ZNF438: variants seen among roughly 807,000 people sequenced by gnomAD.
The protein encoded by ZNF438 is zinc finger protein 438.
In ZNF438, 25 loss-of-function variants were observed where a neutral mutation model predicts 38.0. The observed-to-expected ratio is 0.66, with a 90% CI of 0.48 to 0.92. ZNF438 has a LOEUF of 0.92. Ranked by LOEUF, ZNF438 falls within the 40% of genes least tolerant of loss-of-function variation. The probability of loss-of-function intolerance (pLI) is 0.00; values close to 1 mark genes in which losing one functional copy is unlikely to be tolerated. For missense variants in ZNF438, 1,007 were observed against 999.6 expected (o/e 1.01, Z -0.10); for synonymous variants, 372 against 364.1 (o/e 1.02, Z -0.25).
At position 31,030,575 on chromosome 10, in the gene ZNF438, C is replaced by A. The variant is rs142044541; in HGVS notation, c.-192+1258G>T. ...TAAGAAAAACAAAGTTCCAAGTTTG[C>A]GTGACTTGTCCTTGGACACGAAGCT... is the stretch of plus-strand genomic sequence containing the variant. On this transcript the variant is annotated intron_variant, in intron 1 of 5. Transcript: ENST00000413025. Among the ~76,000 whole-genome samples, 16 of 152,302 alleles carry A rather than the reference C, an allele frequency of 1.1e-4. No individual in the cohort carries two copies. The East Asian group carries it at 3.1e-3, about 29-fold the overall frequency.
At chr10:30,944,849 A>G (rs1372811383) in intron 1 of ZNF438, among the ~76,000 whole-genome samples, 2 of 152,192 alleles carry the variant, frequency 1.3e-5, no homozygotes, top group Non-Finnish European at 2.9e-5. Context: ...TTGACACAAA[A>G]TTGTTCATCA....
chr10:30,977,999 T>C (rs951643568), intron 1 of ZNF438, among the ~76,000 whole-genome samples: 1 of 148,990 alleles, frequency 6.7e-6, no homozygotes, highest in Non-Finnish European at 1.5e-5. Flanking sequence ...AAAAAAAAGA[T>C]TCTAAGGGAC....
Position 30,946,250 on chromosome 10 carries a change from A to G in ZNF438, c.-191-4599T>C, listed in dbSNP as rs2047395579. On this transcript the variant is annotated intron_variant, in intron 1 of 5. Transcript: ENST00000413025. ...TAAAACCATAAAAACCCTAGAAGAA[A>G]ACCTAGGCATTACCATTCAGGACAT... Among the ~76,000 whole-genome samples, 4 of 152,136 alleles carry G rather than the reference A, an allele frequency of 2.6e-5. No individual in the cohort carries two copies. The South Asian group carries it at 8.3e-4, about 31-fold the overall frequency.
intron 1 of ZNF438, among the ~76,000 whole-genome samples, chr10:30,942,753 T>G (rs2046952109): frequency 6.6e-6 from 1 of 152,230 alleles, no homozygotes; most frequent in African/African-American, 2.4e-5. Flanking sequence ...ACAAATTTTC[T>G]CTAAGGAGGC....
chr10:30,929,898 C>T (rs2045433491), intron 2 of ZNF438, among the ~76,000 whole-genome samples: 1 of 152,200 alleles, frequency 6.6e-6, no homozygotes, highest in Non-Finnish European at 1.5e-5. Flanking sequence ...CATTTACAAA[C>T]CCCAAGCTAG....
intron 1 of ZNF438, among the ~76,000 whole-genome samples, chr10:30,993,751 G>A (rs550858423): frequency 2.0e-5 from 3 of 152,340 alleles, no homozygotes; most frequent in South Asian, 2.1e-4. Flanking sequence ...CCAGCATGCA[G>A]GTCCAACCTG....
chr10:31,006,138 A>G (rs1201176132), intron 1 of ZNF438, among the ~76,000 whole-genome samples: 1 of 152,174 alleles, frequency 6.6e-6, no homozygotes, highest in Non-Finnish European at 1.5e-5. Flanking sequence ...AAATCCTTAG[A>G]ATCTCCAAAG....
Position 30,860,698 on chromosome 10 carries a change from G to A in ZNF438, c.38-10331C>T, listed in dbSNP as rs866488115. Reference sequence around the variant, plus strand: ...AAATTTTTGTATCCCAGTTGATAAAGTGCTAATTGGATTAACAATTCAATG... The same window carrying A: ...AAATTTTTGTATCCCAGTTGATAAAATGCTAATTGGATTAACAATTCAATG... On this transcript the variant is annotated intron_variant, in intron 4 of 5. Transcript: ENST00000413025. 3.3e-5 allele frequency among the ~76,000 whole-genome samples: 5 copies of A among 152,170 alleles called. No individual in the cohort carries two copies. In the South Asian group the frequency reaches 6.2e-4, roughly 19 times the overall value.
intron 2 of ZNF438, among the ~76,000 whole-genome samples, chr10:30,938,751 T>C (rs2046514943): frequency 6.6e-6 from 1 of 152,008 alleles, no homozygotes; most frequent in African/African-American, 2.4e-5. Context: ...TTGCTCCCTA[T>C]ATTTCAGACT....
At chr10:30,957,141 GTGA>G (rs1426674404) in intron 1 of ZNF438, among the ~76,000 whole-genome samples, 1 of 152,190 alleles carries the variant, frequency 6.6e-6, no homozygotes, top group Non-Finnish European at 1.5e-5. Flanking sequence ...CCCTGATGTA[GTGA>G]TGTTGAACAT....
At chr10:30,994,759 G>C (rs1006400620) in intron 1 of ZNF438, among the ~76,000 whole-genome samples, 1 of 152,204 alleles carries the variant, frequency 6.6e-6, no homozygotes, top group African/African-American at 2.4e-5. Flanking sequence ...GGCTAGGCAT[G>C]GCGGCTCACA....
intron 4 of ZNF438, among the ~76,000 whole-genome samples, chr10:30,859,789 C>T (rs1333912113): frequency 2.6e-5 from 4 of 152,022 alleles, no homozygotes; most frequent in African/African-American, 7.2e-5. Context: ...AGGTTGTTGA[C>T]ATTTATTTTT....
In ZNF438 at chr10:30,976,672, A is replaced by G. The variant is rs76423780; in HGVS notation, c.-191-35021T>C. Among the ~76,000 whole-genome samples, 363 of 152,246 alleles carry G rather than the reference A, an allele frequency of 2.4e-3. 2 individuals carry two copies. Among genetic ancestry groups the G allele is most frequent in the African/African-American group, 8.4e-3 (351 of 41,548 alleles). ...GCCCACTTGAGCCCTAGAGATTGGA[A>G]GGTGCAATGAGCTATGATCGTGCCT... On this transcript the variant is annotated intron_variant, in intron 1 of 5. Coordinates refer to ENST00000413025, the Ensembl canonical transcript of ZNF438.
At chr10:31,015,882 C>T (rs1239634019) in intron 1 of ZNF438, among the ~76,000 whole-genome samples, 1 of 152,140 alleles carries the variant, frequency 6.6e-6, no homozygotes, top group Admixed American at 6.5e-5. Flanking sequence ...GAAAAGAGAG[C>T]TCTGGTATCT....
chr10:30,975,607 G>A (rs993164216), intron 1 of ZNF438, among the ~76,000 whole-genome samples: 3 of 152,100 alleles, frequency 2.0e-5, no homozygotes, highest in Non-Finnish European at 2.9e-5. Flanking sequence ...ACATAATTTG[G>A]TATCTTAATT....
intron 1 of ZNF438, among the ~76,000 whole-genome samples, chr10:30,997,726 A>C (rs2054196318): frequency 6.6e-6 from 1 of 152,136 alleles, no homozygotes; most frequent in African/African-American, 2.4e-5. Context: ...GTTTTCTAGG[A>C]GGCTTCTAAG....
intron 4 of ZNF438, among the ~76,000 whole-genome samples, chr10:30,866,967 C>T (rs908740935): frequency 2.0e-5 from 3 of 152,114 alleles, no homozygotes; most frequent in African/African-American, 7.2e-5. Context: ...TTTAGTTTAA[C>T]GTTACATGCG....
chr10:30,995,834 G>A (rs909609170), intron 1 of ZNF438, among the ~76,000 whole-genome samples: 2 of 152,116 alleles, frequency 1.3e-5, no homozygotes, highest in African/African-American at 4.8e-5. Context: ...ATAAAAAATA[G>A]AGAGGTCAAT....
intron 1 of ZNF438, among the ~76,000 whole-genome samples, chr10:31,026,956 GCTGGAAACCATCATT>G (rs1230292112): frequency 2.7e-4 from 41 of 152,270 alleles, no homozygotes; most frequent in African/African-American, 9.6e-4. Flanking sequence ...CATGGATGAA[GCTGGAAACCATCATT>G]CTGAGCAAAC....
Sources: gnomAD v4.1 joint callset for allele counts (sites outside exome capture counted in the v4.1 genomes callset) on GRCh38, gnomAD v4.1.1 for gene constraint, MANE v1.5 for transcripts, NCBI Gene and HGNC (gene_info 2026-07-23, HGNC 2026-07-21) for gene names.